Variants in ZBED3 observed in about 807,000 individuals in gnomAD.
The protein encoded by ZBED3 is zinc finger BED-type containing 3.
For missense variants in ZBED3, 388 were observed against 362.9 expected, an observed-to-expected ratio of 1.07 and a Z score of -0.56; for synonymous variants, 175 against 180.0, an observed-to-expected ratio of 0.97 and a Z score of 0.22.
rs1022164661 is a variant in ZBED3, at chr5:77,087,176, T to C, written c.-218A>G. On this transcript the variant is annotated 5_prime_UTR_variant, in exon 1 of 3. Transcript: ENST00000255198. ...GGGAGTCCGAGATGGTAGATCCCCCTCCAGGCGCCTCGCTGACATTTTGTC... is the reference window on the plus strand; with the variant it reads ...GGGAGTCCGAGATGGTAGATCCCCCCCCAGGCGCCTCGCTGACATTTTGTC... 1 of 152,346 alleles carries C rather than the reference T, an allele frequency of 6.6e-6. No homozygotes were observed. The highest frequency in any genetic ancestry group is 1.5e-5 in the Non-Finnish European group (1 of 68,190). 9.4% of individuals were successfully genotyped at this position (152,346 alleles called of 1,614,324 possible).
Position 77,072,377 on chromosome 5 carries a change from AC to A in ZBED3, c.*4796del, listed in dbSNP as rs1352031924. 2 of 152,190 alleles carry A rather than the reference AC, an allele frequency of 1.3e-5. No individual in the cohort carries two copies. The highest frequency in any genetic ancestry group is 2.9e-5 in the Non-Finnish European group (2 of 68,032). 9.4% of individuals were successfully genotyped at this position (152,190 alleles called of 1,614,324 possible). A position where few individuals can be genotyped will look rare whatever the true frequency, so the allele number is the denominator to read the frequency against. ...GAAATGTTAATCTGGTTAATCATCT[AC>A]CATATTCACCAGACTGAATAATTGG... On this transcript the variant is annotated 3_prime_UTR_variant, in exon 3 of 3. Coordinates refer to ENST00000255198, the MANE Select transcript of ZBED3 (RefSeq NM_032367.4).
At position 77,076,012 on chromosome 5, in the gene ZBED3, T is replaced by C. The variant is rs1219782012; in HGVS notation, c.*1162A>G. 1 of 90,806 alleles carries C rather than the reference T, an allele frequency of 1.1e-5. No homozygotes were observed. Among genetic ancestry groups the C allele is most frequent in the African/African-American group, 4.2e-5 (1 of 23,986 alleles). 5.6% of individuals were successfully genotyped at this position (90,806 alleles called of 1,614,324 possible). A position where few individuals can be genotyped will look rare whatever the true frequency, so the allele number is the denominator to read the frequency against. ...ATATATGTATATATGTATATATATATGTATATATGTATATATATATGTATA... is the reference window on the plus strand; with the variant it reads ...ATATATGTATATATGTATATATATACGTATATATGTATATATATATGTATA... On this transcript the variant is annotated 3_prime_UTR_variant, in exon 3 of 3. Coordinates refer to ENST00000255198, the MANE Select transcript of ZBED3 (RefSeq NM_032367.4).
rs1028313448 is a variant in ZBED3 at position 77,076,363 on chromosome 5, A to G, written c.*811T>C. 1.3e-5 allele frequency: 2 copies of G among 152,094 alleles called. No individual in the cohort carries two copies. Among genetic ancestry groups the G allele is most frequent in the African/African-American group, 2.4e-5 (1 of 41,394 alleles). 9.4% of individuals were successfully genotyped at this position (152,094 alleles called of 1,614,324 possible). A position where few individuals can be genotyped will look rare whatever the true frequency, so the allele number is the denominator to read the frequency against. The stretch of plus-strand genomic sequence containing the variant: ...TGCTTTCCCCTTCAGCCCAGAGGTG[A>G]GCACTATGACGACATGTGGGGAAGA... On this transcript the variant is annotated 3_prime_UTR_variant, in exon 3 of 3. Coordinates refer to ENST00000255198, the MANE Select transcript of ZBED3 (RefSeq NM_032367.4).
In ZBED3 at chr5:77,077,125, G is replaced by A. The variant is rs370646895; in HGVS notation, c.*49C>T. The A allele has an allele frequency of 1.9e-5, 24 of 1,294,328 alleles. No individual in the cohort carries two copies. Among genetic ancestry groups the A allele is most frequent in the Non-Finnish European group, 2.3e-5 (23 of 1,011,444 alleles). The allele number at this position is 1,294,328 out of a possible 1,614,324, so 80.2% of individuals were successfully genotyped here. On this transcript the variant is annotated 3_prime_UTR_variant, in exon 3 of 3. Transcript: ENST00000255198. Reference sequence around the variant, plus strand: ...GGTCCCAGCGGGGTCTGAAGGCATTGGCATTGGACGGAGAAGCGCTGTCCT... The same window carrying A: ...GGTCCCAGCGGGGTCTGAAGGCATTAGCATTGGACGGAGAAGCGCTGTCCT...
chr5:77,076,367 C>G lies in ZBED3; in HGVS notation c.*807G>C, dbSNP rs75180394. The G allele has an allele frequency of 3.3e-5, 5 of 152,188 alleles. No individual in the cohort carries two copies. The East Asian group carries it at 9.7e-4, about 30-fold the overall frequency. 9.4% of individuals were successfully genotyped at this position (152,188 alleles called of 1,614,324 possible). A position where few individuals can be genotyped will look rare whatever the true frequency, so the allele number is the denominator to read the frequency against. ...TTCCCCTTCAGCCCAGAGGTGAGCA[C>G]TATGACGACATGTGGGGAAGAAGCC... On this transcript the variant is annotated 3_prime_UTR_variant, in exon 3 of 3. Transcript: ENST00000255198.
At chr5:77,080,230 T>C (rs890977726) in intron 1 of ZBED3, among the ~76,000 whole-genome samples, 1 of 152,222 alleles carries the variant, frequency 6.6e-6, no homozygotes, top group African/African-American at 2.4e-5. Context: ...GTGCCCCTGA[T>C]AGTGCCAGAG....
At position 77,077,504 on chromosome 5, in the gene ZBED3, G is replaced by T; in HGVS notation, c.375C>A (p.Pro125=). 1.4e-5 allele frequency: 17 copies of T among 1,193,186 alleles called. No individual in the cohort carries two copies. Among genetic ancestry groups the T allele is most frequent in the Non-Finnish European group, 1.8e-5 (17 of 966,062 alleles). The allele number at this position is 1,193,186 out of a possible 1,614,324, so 73.9% of individuals were successfully genotyped here. A position where few individuals can be genotyped will look rare whatever the true frequency, so the allele number is the denominator to read the frequency against. ...CPPPPGPAAA[P]EGDWARLLEQ... ...CCAGCAGGCGCGCCCAGTCGCCCTC[G>T]GGGGCCGCAGCGGGGCCGGGCGGCG... The change falls in exon 3 of 3, where the codon CCC becomes CCA. Residue 125 remains proline (P), a synonymous_variant. Transcript: ENST00000255198.
intron 1 of ZBED3, chr5:77,078,961 TAAGG>T (rs1299169804): frequency 5.3e-5 from 8 of 152,312 alleles, no homozygotes; most frequent in Admixed American, 5.2e-4. Context: ...TACTTTTAAT[TAAGG>T]AAGAAAAAGA....
In ZBED3 at chr5:77,074,643, C is replaced by G. The variant is rs1742939636; in HGVS notation, c.*2531G>C. 1 of 152,114 alleles carries G rather than the reference C, an allele frequency of 6.6e-6. No individual in the cohort carries two copies. The highest frequency in any genetic ancestry group is 2.4e-5 in the African/African-American group (1 of 41,404). 9.4% of individuals were successfully genotyped at this position (152,114 alleles called of 1,614,324 possible). A position where few individuals can be genotyped will look rare whatever the true frequency, so the allele number is the denominator to read the frequency against. ...GGGAATGCTCAGTAAATATTAATGT[C>G]ACTAATTCCAGTCAATTCCATTAAC... On this transcript the variant is annotated 3_prime_UTR_variant, in exon 3 of 3. Coordinates refer to ENST00000255198, the MANE Select transcript of ZBED3 (RefSeq NM_032367.4).
rs1554048032 is a variant in ZBED3 at position 77,075,985 on chromosome 5, A to ATATG, written c.*1188_*1189insCATA. 8.9e-3 allele frequency: 308 copies of ATATG among 34,522 alleles called. 80 individuals carry two copies. The highest frequency in any genetic ancestry group is 0.015 in the Non-Finnish European group (267 of 17,668). 2.1% of individuals were successfully genotyped at this position (34,522 alleles called of 1,614,324 possible). ...TATATATGTATATGTATATATGTAT[A>ATATG]TATATATGTATATATGTATATATAT... On this transcript the variant is annotated 3_prime_UTR_variant, in exon 3 of 3. Transcript: ENST00000255198.
At chr5:77,084,586 G>C (rs1250520335) in intron 1 of ZBED3, among the ~76,000 whole-genome samples, 1 of 152,166 alleles carries the variant, frequency 6.6e-6, no homozygotes, top group African/African-American at 2.4e-5. Context: ...CGCGAAAACA[G>C]ATTACTAACA....
In ZBED3 at chr5:77,076,423, G is replaced by C. The variant is rs1485010261; in HGVS notation, c.*751C>G. On this transcript the variant is annotated 3_prime_UTR_variant, in exon 3 of 3. Coordinates refer to ENST00000255198, the MANE Select transcript of ZBED3 (RefSeq NM_032367.4). ...CCTAGTGACAAGGGGATGAGGTGAT[G>C]TCTTGCTAAGGTGGCAGATGTGAGG... The C allele has an allele frequency of 6.6e-6, 1 of 152,186 alleles. No individual in the cohort carries two copies. Among genetic ancestry groups the C allele is most frequent in the African/African-American group, 2.4e-5 (1 of 41,420 alleles). The allele number at this position is 152,186 out of a possible 1,614,324, so 9.4% of individuals were successfully genotyped here.
At chr5:77,084,491 G>GC (rs768088656) in intron 1 of ZBED3, among the ~76,000 whole-genome samples, 26 of 152,172 alleles carry the variant, frequency 1.7e-4, no homozygotes, top group Non-Finnish European at 3.1e-4. Flanking sequence ...TGACTGTTAG[G>GC]CCTCCCTAGC....
rs1561296516 is a variant in ZBED3, at chr5:77,076,007, A to AG, written c.*1166_*1167insC. 5.4e-5 allele frequency: 2 copies of AG among 37,040 alleles called. No individual in the cohort carries two copies. The highest frequency in any genetic ancestry group is 1.7e-4 in the African/African-American group (2 of 11,898). 2.3% of individuals were successfully genotyped at this position (37,040 alleles called of 1,614,324 possible). A position where few individuals can be genotyped will look rare whatever the true frequency, so the allele number is the denominator to read the frequency against. Reference sequence around the variant, plus strand: ...TATATATATATGTATATATGTATATATATATGTATATATGTATATATATAT... The same window carrying AG: ...TATATATATATGTATATATGTATATAGTATATGTATATATGTATATATATAT... On this transcript the variant is annotated 3_prime_UTR_variant, in exon 3 of 3. Coordinates refer to ENST00000255198, the MANE Select transcript of ZBED3 (RefSeq NM_032367.4).
chr5:77,078,081 C>T (rs544809650), intron 2 of ZBED3, among the ~76,000 whole-genome samples, 186 bp from the exon 3 acceptor site: 1 of 152,210 alleles, frequency 6.6e-6, no homozygotes, highest in Non-Finnish European at 1.5e-5. Context: ...TCAGAAAAAA[C>T]TGTTAAAAAT....
chr5:77,077,336 C>T lies in ZBED3; in HGVS notation c.543G>A (p.Ala181=). Residue 181 remains alanine, a synonymous_variant, in exon 3 of 3, where the codon GCG becomes GCA. Coordinates refer to ENST00000255198, the MANE Select transcript of ZBED3 (RefSeq NM_032367.4). Reference sequence around the variant, plus strand: ...CCCGCTCGGCCTGCAGTTCCCGGCGCGCCTGGGCCGCGGCGCGCTCTTCCT... The same window carrying T: ...CCCGCTCGGCCTGCAGTTCCCGGCGTGCCTGGGCCGCGGCGCGCTCTTCCT... ...LQEEERAAAQ[A]RRELQAEREA... The T allele has an allele frequency of 7.9e-7, 1 of 1,261,126 alleles. No individual in the cohort carries two copies. The highest frequency in any genetic ancestry group is 9.9e-7 in the Non-Finnish European group (1 of 1,009,220). 78.1% of individuals were successfully genotyped at this position (1,261,126 alleles called of 1,614,324 possible).
At position 77,075,967 on chromosome 5, in the gene ZBED3, GTA is replaced by G. The variant is rs1210235734; in HGVS notation, c.*1205_*1206del. 0.091 allele frequency: 2,777 copies of G among 30,642 alleles called. 879 individuals are homozygous for G. The highest frequency in any genetic ancestry group is 0.25 in the African/African-American group (2,331 of 9,228). The allele number at this position is 30,642 out of a possible 1,614,324, so 1.9% of individuals were successfully genotyped here. ...TACATATATATATATATATATATATGTATATGTATATATGTATATATATATGT... is the reference window on the plus strand; with the variant it reads ...TACATATATATATATATATATATATGTATGTATATATGTATATATATATGT... On this transcript the variant is annotated 3_prime_UTR_variant, in exon 3 of 3. Coordinates refer to ENST00000255198, the MANE Select transcript of ZBED3 (RefSeq NM_032367.4).
rs1006365472 is a variant in ZBED3 at position 77,073,089 on chromosome 5, ATTT to A, written c.*4082_*4084del. 6.9e-6 allele frequency: 1 copy of A among 144,992 alleles called. No homozygotes were observed. Among genetic ancestry groups the A allele is most frequent in the Admixed American group, 6.8e-5 (1 of 14,732 alleles). The allele number at this position is 144,992 out of a possible 1,614,324, so 9.0% of individuals were successfully genotyped here. A position where few individuals can be genotyped will look rare whatever the true frequency, so the allele number is the denominator to read the frequency against. On this transcript the variant is annotated 3_prime_UTR_variant, in exon 3 of 3. Coordinates refer to ENST00000255198, the MANE Select transcript of ZBED3 (RefSeq NM_032367.4). Reference sequence around the variant, plus strand: ...GAGAGGAATGTTGTCTACAAACAAAATTTTTTTATCATAAAAGTAATTCATACT... The same window carrying A: ...GAGAGGAATGTTGTCTACAAACAAAATTTTATCATAAAAGTAATTCATACT...
In ZBED3 at chr5:77,077,172, C is replaced by A. The variant is rs367919107; in HGVS notation, c.*2G>T. ...TCCTGGGGTGGGGAAGTGGCCACACCCCTACAGGAGGACCTTTGTGATGAC... is the reference window on the plus strand; with the variant it reads ...TCCTGGGGTGGGGAAGTGGCCACACACCTACAGGAGGACCTTTGTGATGAC... On this transcript the variant is annotated 3_prime_UTR_variant, in exon 3 of 3. Coordinates refer to ENST00000255198, the MANE Select transcript of ZBED3 (RefSeq NM_032367.4). 1 of 1,470,232 alleles carries A rather than the reference C, an allele frequency of 6.8e-7. No homozygotes were observed. Among genetic ancestry groups the A allele is most frequent in the Non-Finnish European group, 9.0e-7 (1 of 1,114,408 alleles). The allele number at this position is 1,470,232 out of a possible 1,614,324, so 91.1% of individuals were successfully genotyped here.
Sources: gnomAD v4.1 joint callset for allele counts (sites outside exome capture counted in the v4.1 genomes callset) on GRCh38, gnomAD v4.1.1 for gene constraint, MANE v1.5 for transcripts, NCBI Gene and HGNC (gene_info 2026-07-23, HGNC 2026-07-21) for gene names.